The following PIK3C2G variants were observed in gnomAD, a reference collection of about 807,000 sequenced individuals.
The protein encoded by PIK3C2G is phosphatidylinositol-4-phosphate 3-kinase catalytic subunit type 2 gamma, also known as phosphatidylinositol 3-kinase C2 domain-containing subunit gamma.
Under a neutral mutation model 181.1 loss-of-function variants are expected in PIK3C2G, and 168 were observed. That is an observed-to-expected ratio of 0.93 (90% confidence interval 0.82 to 1.05). The LOEUF is 1.05. PIK3C2G is among the 50% of genes least tolerant of loss of function. The probability of loss-of-function intolerance (pLI) is 0.00; values close to 1 mark genes in which losing one functional copy is unlikely to be tolerated. For missense variants in PIK3C2G, 1,869 were observed against 1,732.8 expected (o/e 1.08, Z -1.40); for synonymous variants, 573 against 592.2 (o/e 0.97, Z 0.47).
chr12:18,497,629 A>T lies in PIK3C2G; in HGVS notation c.2897A>T (p.Asp966Val), dbSNP rs181759326. Reference sequence around the variant, plus strand: ...TTTTGTTTTTAACAGGCTGGAGATGATCTTCGTCAGGATATGCTTGTTCTG... The same window carrying T: ...TTTTGTTTTTAACAGGCTGGAGATGTTCTTCGTCAGGATATGCTTGTTCTG... ...NISIIFKAGD[D>V]LRQDMLVLQL... The change falls in exon 22 of 33, where the codon GAT becomes GTT. Residue 966 changes from aspartate (D) to valine (V), a missense_variant. Coordinates refer to ENST00000538779, the MANE Select transcript of PIK3C2G (RefSeq NM_001288772.2). 3.2e-5 allele frequency: 51 copies of T among 1,612,376 alleles called. No homozygotes were observed. The Admixed American group carries it at 7.2e-4, about 23-fold the overall frequency.
chr12:18,414,780 T>C (rs1200122274), intron 16 of PIK3C2G, among the ~76,000 whole-genome samples: 1 of 152,240 alleles, frequency 6.6e-6, no homozygotes, highest in African/African-American at 2.4e-5. Flanking sequence ...AAAGAGCCCA[T>C]GTTGCAGGAA....
chr12:18,678,290 G>T, the PIK3C2G span, among the ~76,000 whole-genome samples: 4,732 of 152,148 alleles, frequency 0.031, 248 homozygotes, highest in African/African-American at 0.11. Flanking sequence ...ACTGGTCAGC[G>T]TGCTCAAAAG....
the PIK3C2G span, chr12:18,705,107 C>T: frequency 2.5e-6 from 4 of 1,584,056 alleles, no homozygotes; most frequent in East Asian, 6.7e-5. Context: ...GCCAATATAA[C>T]AGTGACATGT....
chr12:18,578,251 A>T (rs911399295), intron 29 of PIK3C2G, among the ~76,000 whole-genome samples: 1 of 152,184 alleles, frequency 6.6e-6, no homozygotes, highest in Non-Finnish European at 1.5e-5. Context: ...TATTCTGTCT[A>T]TGTTGATATG....
chr12:18,548,762 T>G (rs947686351), intron 26 of PIK3C2G, among the ~76,000 whole-genome samples: 2 of 152,058 alleles, frequency 1.3e-5, no homozygotes, highest in Non-Finnish European at 2.9e-5. Context: ...CATTGAAGCC[T>G]TAAAAGGCAT....
At chr12:18,654,311 A>G in the PIK3C2G span, among the ~76,000 whole-genome samples, 105,323 of 149,170 alleles carry the variant, frequency 0.71, 37,424 homozygotes, top group African/African-American at 0.76. Context: ...AAAAAAAAAA[A>G]TCTATCAGAT....
At chr12:18,522,225 A>G (rs1942967137) in intron 24 of PIK3C2G, among the ~76,000 whole-genome samples, 1 of 152,238 alleles carries the variant, frequency 6.6e-6, no homozygotes, top group South Asian at 2.1e-4. Context: ...TTAACAATTT[A>G]CTTCAGCAGT....
intron 11 of PIK3C2G, among the ~76,000 whole-genome samples, chr12:18,360,140 T>A (rs1272574050): frequency 6.6e-6 from 1 of 152,028 alleles, no homozygotes; most frequent in East Asian, 1.9e-4. Context: ...TGATTTTTTT[T>A]CTTGTTTTTT....
chr12:18,303,498 T>C (rs1040288577), intron 5 of PIK3C2G, among the ~76,000 whole-genome samples: 4 of 151,856 alleles, frequency 2.6e-5, no homozygotes, highest in East Asian at 1.9e-4. Context: ...ACCACGCCTA[T>C]CTAATTTCGA....
At chr12:18,357,300 T>G (rs575435096) in intron 11 of PIK3C2G, among the ~76,000 whole-genome samples, 15 of 151,522 alleles carry the variant, frequency 9.9e-5, no homozygotes, top group Middle Eastern at 6.8e-3. Context: ...GAGGTGTGGG[T>G]GTGTGTGTGT....
At chr12:18,476,822 G>A (rs1380380285) in intron 18 of PIK3C2G, among the ~76,000 whole-genome samples, 2 of 151,838 alleles carry the variant, frequency 1.3e-5, no homozygotes, top group Non-Finnish European at 2.9e-5. Context: ...AAATGCCTTA[G>A]GAAAATTTAA....
At chr12:18,597,950 A>G (rs1353952944) in intron 30 of PIK3C2G, among the ~76,000 whole-genome samples, 1 of 151,718 alleles carries the variant, frequency 6.6e-6, no homozygotes, top group Admixed American at 6.6e-5. Context: ...AGGGATGTGA[A>G]GGACCTCTTC....
At chr12:18,644,537 T>C (rs1459282491) in intron 32 of PIK3C2G, among the ~76,000 whole-genome samples, 3 of 152,184 alleles carry the variant, frequency 2.0e-5, no homozygotes, top group Non-Finnish European at 4.4e-5. Context: ...GCATTTTACA[T>C]CCCTTAAAAT....
chr12:18,268,920 TTTC>T (rs1484525346), intron 1 of PIK3C2G, among the ~76,000 whole-genome samples: 17 of 152,016 alleles, frequency 1.1e-4, no homozygotes, highest in African/African-American at 4.1e-4. Context: ...CTTAGATTTC[TTTC>T]TTTTTTTTTT....
chr12:18,508,898 T>G (rs188072954), intron 24 of PIK3C2G, among the ~76,000 whole-genome samples: 2 of 152,230 alleles, frequency 1.3e-5, no homozygotes, highest in Admixed American at 6.5e-5. Context: ...AGTCTTTAAT[T>G]AAAATGCTGC....
chr12:18,282,351 T>G lies in PIK3C2G; in HGVS notation c.270T>G (p.Thr90=). Residue 90 remains threonine, a synonymous_variant, in exon 2 of 33, where the codon ACT becomes ACG. Transcript: ENST00000538779. ...EAHQISLNEF[T]SKSRELSWHQ... ...ACCAAATATCCTTGAATGAATTCAC[T>G]TCTAAAAGCCGTGAACTCTCCTGGC... The G allele has an allele frequency of 1.9e-6, 3 of 1,613,672 alleles. No individual in the cohort carries two copies. The South Asian group carries it at 3.3e-5, about 18-fold the overall frequency.
intron 18 of PIK3C2G, among the ~76,000 whole-genome samples, chr12:18,450,542 C>T (rs901944569): frequency 6.6e-5 from 10 of 152,198 alleles, no homozygotes; most frequent in Admixed American, 6.5e-4. Context: ...TTCCTGTTCA[C>T]TCTGATGACA....
chr12:18,507,093 G>A (rs1941884139), intron 24 of PIK3C2G, among the ~76,000 whole-genome samples: 1 of 151,532 alleles, frequency 6.6e-6, no homozygotes, highest in Non-Finnish European at 1.5e-5. Context: ...GCAGTGGCAT[G>A]ATCTTGGATG....
At chr12:18,522,736 T>C (rs962198658) in intron 24 of PIK3C2G, among the ~76,000 whole-genome samples, 23 of 152,258 alleles carry the variant, frequency 1.5e-4, no homozygotes, top group African/African-American at 4.8e-5. Flanking sequence ...TTGAATTTAA[T>C]TGATGACTTC....
Sources: allele counts gnomAD v4.1 joint callset (sites outside exome capture counted in the v4.1 genomes callset), GRCh38; gene constraint gnomAD v4.1.1; transcripts MANE v1.5; gene names NCBI Gene and HGNC (gene_info 2026-07-23, HGNC 2026-07-21).